ZFHX3: variants seen among roughly 807,000 people sequenced by gnomAD.
ZFHX3 encodes the protein zinc finger homeobox 3, also known as zinc finger homeobox protein 3.
A neutral mutation model predicts 279.1 loss-of-function variants in ZFHX3; 42 were observed. That is an observed-to-expected ratio of 0.15 (90% CI 0.12 to 0.19). The LOEUF is 0.19. Among genes scored for constraint, ZFHX3 ranks in the 10% least tolerant of loss-of-function variants. ZFHX3 has a pLI of 1.00. For missense variants in ZFHX3, 4,981 were observed against 4,754.0 expected (o/e 1.05, Z -1.40); for synonymous variants, 2,293 against 1,957.8 (o/e 1.17, Z -4.52).
At chr16:73,610,137 A>G (rs2052230225) in intron 2 of ZFHX3, 1 of 152,126 alleles carries the variant, frequency 6.6e-6, no homozygotes, top group Non-Finnish European at 1.5e-5. Flanking sequence ...AATTTTTCTT[A>G]GGGAGCCCTG....
chr16:73,361,730 T>C (rs900021817), intron 3 of ZFHX3, among the ~76,000 whole-genome samples: 14 of 152,194 alleles, frequency 9.2e-5, no homozygotes, highest in African/African-American at 3.4e-4. Flanking sequence ...AACTTTCACA[T>C]ACACAAATAT....
At chr16:73,374,007 TGG>T (rs1201328920) in intron 3 of ZFHX3, among the ~76,000 whole-genome samples, 1 of 152,112 alleles carries the variant, frequency 6.6e-6, no homozygotes, top group Non-Finnish European at 1.5e-5. Context: ...AGAACGGGGA[TGG>T]AATGCAGCAT....
At chr16:72,844,871 CCCCTT>C (rs2037438448) in intron 4 of ZFHX3, among the ~76,000 whole-genome samples, 1 of 151,922 alleles carries the variant, frequency 6.6e-6, no homozygotes, top group African/African-American at 2.4e-5. Context: ...CCCGCCCCCT[CCCCTT>C]CCTCATTTCC....
chr16:72,959,721 T>G lies in ZFHX3; in HGVS notation c.425A>C (p.Tyr142Ser). Residue 142 changes from tyrosine to serine, a missense_variant, in exon 2 of 10, where the codon TAC (tyrosine) becomes TCC (serine). This residue lies in a region of ZFHX3 where 1,068 missense variants were observed against 935.2 expected (regional missense o/e 1.14). Transcript: ENST00000268489. The part of the protein sequence containing the change: ...EIVYQPDGSA[Y>S]IVESLSQLTQ... ...CAGCTGGCTCAGGCTCTCCACAATGTACGCGGAGCCGTCCGGCTGGTAGAC... is the reference window on the plus strand; with the variant it reads ...CAGCTGGCTCAGGCTCTCCACAATGGACGCGGAGCCGTCCGGCTGGTAGAC... The G allele has an allele frequency of 6.2e-7, 1 of 1,613,642 alleles. No individual in the cohort carries two copies. Among genetic ancestry groups the G allele is most frequent in the Non-Finnish European group, 8.5e-7 (1 of 1,179,786 alleles).
At chr16:73,705,715 C>G (rs118065860) in intron 1 of ZFHX3, among the ~76,000 whole-genome samples, 139 of 152,246 alleles carry the variant, frequency 9.1e-4, no homozygotes, top group Non-Finnish European at 1.1e-3. Flanking sequence ...TCCATCCACT[C>G]TCTTCTCTCC....
chr16:72,939,942 T>A (rs1349024697), intron 3 of ZFHX3, among the ~76,000 whole-genome samples: 3 of 152,084 alleles, frequency 2.0e-5, no homozygotes, highest in Admixed American at 6.6e-5. Context: ...ACCCTGATAA[T>A]TTTTTTATTT....
intron 1 of ZFHX3, among the ~76,000 whole-genome samples, chr16:73,797,537 A>G (rs1440477188): frequency 3.3e-5 from 5 of 152,204 alleles, no homozygotes; most frequent in Admixed American, 2.6e-4. Flanking sequence ...AGTGGAAATT[A>G]TAAATCTGTG....
intron 4 of ZFHX3, among the ~76,000 whole-genome samples, chr16:73,270,359 C>G (rs994174073): frequency 6.6e-6 from 1 of 152,148 alleles, no homozygotes; most frequent in Non-Finnish European, 1.5e-5. Context: ...AAACATGCAG[C>G]CCAGGAAGAG....
intron 1 of ZFHX3, among the ~76,000 whole-genome samples, chr16:73,025,398 T>C (rs1964461496): frequency 6.6e-6 from 1 of 152,146 alleles, no homozygotes; most frequent in African/African-American, 2.4e-5. Flanking sequence ...TGATGTCAAG[T>C]GTCAGCAAGT....
At chr16:73,622,485 CG>C (rs2052372965) in intron 2 of ZFHX3, among the ~76,000 whole-genome samples, 2 of 152,002 alleles carry the variant, frequency 1.3e-5, no homozygotes, top group Non-Finnish European at 2.9e-5. Flanking sequence ...TGGTGTGAAC[CG>C]GGGAGGTGGA....
At chr16:73,510,283 A>G (rs1040998400) in intron 2 of ZFHX3, among the ~76,000 whole-genome samples, 7 of 152,054 alleles carry the variant, frequency 4.6e-5, no homozygotes, top group African/African-American at 1.7e-4. Flanking sequence ...CCTCACTAGA[A>G]TTTTACATTT....
rs139430946 is a variant in ZFHX3 at position 72,957,552 on chromosome 16, T to C, written c.2594A>G (p.Tyr865Cys). 704 of 1,614,006 alleles carry C rather than the reference T, an allele frequency of 4.4e-4. 2 individuals are homozygous for C. The Middle Eastern group carries it at 6.1e-3, about 14-fold the overall frequency. ...SPAEAELYQYYLAQNMNLPNL... is the reference protein window; with the variant it reads ...SPAEAELYQYCLAQNMNLPNL... ...GGGCAGGTTCATGTTCTGGGCCAGGTAGTATTGGTAGAGCTCGGCCTCGGC... is the reference window on the plus strand; with the variant it reads ...GGGCAGGTTCATGTTCTGGGCCAGGCAGTATTGGTAGAGCTCGGCCTCGGC... Residue 865 changes from tyrosine to cysteine, a missense_variant, in exon 2 of 10, where the codon TAC (tyrosine) becomes TGC (cysteine). Transcript: ENST00000268489.
intron 1 of ZFHX3, among the ~76,000 whole-genome samples, chr16:73,740,079 C>T (rs193176497): frequency 1.3e-5 from 2 of 152,112 alleles, no homozygotes; most frequent in Non-Finnish European, 2.9e-5. Flanking sequence ...CATGCCAGCC[C>T]GGTTCCTTGC....
At chr16:73,463,922 C>T (rs2018515982) in intron 2 of ZFHX3, among the ~76,000 whole-genome samples, 1 of 152,170 alleles carries the variant, frequency 6.6e-6, no homozygotes, top group East Asian at 1.9e-4. Flanking sequence ...TTTTTGCTCA[C>T]TTTGGGGTCA....
At chr16:73,472,620 G>T (rs145594941) in intron 2 of ZFHX3, among the ~76,000 whole-genome samples, 1 of 152,146 alleles carries the variant, frequency 6.6e-6, no homozygotes, top group Admixed American at 6.5e-5. Flanking sequence ...CCGTCCTACC[G>T]TCTGTGCCAT....
At chr16:72,847,857 T>A (rs74775185) in intron 4 of ZFHX3, among the ~76,000 whole-genome samples, 5 of 151,978 alleles carry the variant, frequency 3.3e-5, no homozygotes, top group African/African-American at 1.2e-4. Flanking sequence ...AAGCAAACGT[T>A]AATGTAGGTT....
At chr16:73,875,550 A>G (rs1038212578) in intron 1 of ZFHX3, among the ~76,000 whole-genome samples, 3 of 152,106 alleles carry the variant, frequency 2.0e-5, no homozygotes, top group African/African-American at 7.2e-5. Context: ...CCAGTATTCA[A>G]AAAATACTTC....
intron 1 of ZFHX3, among the ~76,000 whole-genome samples, chr16:73,788,332 T>A (rs926289368): frequency 6.6e-6 from 1 of 152,192 alleles, no homozygotes; most frequent in African/African-American, 2.4e-5. Flanking sequence ...GGTCATCCCC[T>A]GGGCTTGGAG....
Position 72,795,918 on chromosome 16 carries a change from C to T in ZFHX3, c.6764G>A (p.Arg2255Lys). 2 of 1,614,176 alleles carry T rather than the reference C, an allele frequency of 1.2e-6. No individual in the cohort carries two copies. Among genetic ancestry groups the T allele is most frequent in the South Asian group, 1.1e-5 (1 of 91,086 alleles). ...GGCATCGAAGAAGTCCTGTAAGACCCTCAGCTGGTAGTCCGTAAACCTTGT... is the reference window on the plus strand; with the variant it reads ...GGCATCGAAGAAGTCCTGTAAGACCTTCAGCTGGTAGTCCGTAAACCTTGT... ...SRTRFTDYQLRVLQDFFDANA... is the reference protein window; with the variant it reads ...SRTRFTDYQLKVLQDFFDANA... The change falls in exon 9 of 10, where the codon AGG (arginine) becomes AAG (lysine). Residue 2255 changes from arginine to lysine, a missense_variant. By Grantham distance (26) the Arg-to-Lys change is conservative. Transcript: ENST00000268489.
Sources: gnomAD v4.1 joint callset for allele counts (sites outside exome capture counted in the v4.1 genomes callset) on GRCh38, gnomAD v4.1.1 for gene constraint, gnomAD v4.1.1 regional missense constraint, MANE v1.5 for transcripts, NCBI Gene and HGNC (gene_info 2026-07-23, HGNC 2026-07-21) for gene names.